Variants in CRISP1 observed in about 807,000 individuals in gnomAD.
The protein encoded by CRISP1 is cysteine rich secretory protein 1.
CRISP1 carries 44 observed loss-of-function variants against 33.1 expected under a neutral mutation model. That is an observed-to-expected ratio of 1.33 (90% CI 1.05 to 1.71). The LOEUF is 1.71. CRISP1 is among the 40% of genes most tolerant of loss of function. CRISP1 has a pLI of 0.00. For synonymous variants in CRISP1, 103 were observed against 98.7 expected, an observed-to-expected ratio of 1.04 and a Z score of -0.26; for missense variants, 390 against 301.2, an observed-to-expected ratio of 1.29 and a Z score of -2.18.
chr6:49,856,124 A>G (rs1311271406), intron 2 of CRISP1, among the ~76,000 whole-genome samples: 2 of 152,030 alleles, frequency 1.3e-5, no homozygotes, highest in Admixed American at 6.6e-5. Context: ...TTTCCCTTGG[A>G]CGGGTAGGGT....
At chr6:49,836,923 A>G (rs953299754) in intron 7 of CRISP1, among the ~76,000 whole-genome samples, 2 of 152,068 alleles carry the variant, frequency 1.3e-5, no homozygotes, top group African/African-American at 4.8e-5. Flanking sequence ...TCAATTACCT[A>G]TCTTTATCCT....
intron 1 of CRISP1, among the ~76,000 whole-genome samples, chr6:49,859,610 T>G (rs55720315): frequency 0.097 from 14,740 of 151,960 alleles, 997 homozygotes; most frequent in Non-Finnish European, 0.15. Context: ...ACAAAAGTAT[T>G]AAACCCACTG....
At position 49,850,092 on chromosome 6, in the gene CRISP1, C is replaced by T. The variant is rs56806735; in HGVS notation, c.196-1793G>A. The stretch of plus-strand genomic sequence containing the variant: ...GAAGGGGAACATCACACTCTGGGGA[C>T]AGTTGTGGGGTGGGGGGAGGGGGAG... On this transcript the variant is annotated intron_variant, in intron 3 of 7. Transcript: ENST00000335847. 3.8e-3 allele frequency among the ~76,000 whole-genome samples: 389 copies of T among 102,912 alleles called. 2 individuals are homozygous for T. The highest frequency in any genetic ancestry group is 0.015 in the African/African-American group (368 of 24,486). The allele number at this position is 102,912 out of a possible 152,430, so 67.5% of individuals were successfully genotyped here.
intron 5 of CRISP1, among the ~76,000 whole-genome samples, chr6:49,843,075 C>T (rs569055989): frequency 5.3e-5 from 8 of 152,036 alleles, no homozygotes; most frequent in East Asian, 1.9e-4. Context: ...TATACCACAG[C>T]GATGAGATAA....
intron 6 of CRISP1, among the ~76,000 whole-genome samples, 169 bp from the exon 7 acceptor site, chr6:49,838,694 T>G (rs16879847): frequency 6.6e-6 from 1 of 152,160 alleles, no homozygotes. Context: ...GCTATAATAT[T>G]TTTTAGCACG....
intron 1 of CRISP1, among the ~76,000 whole-genome samples, chr6:49,873,327 G>C (rs1771968129): frequency 6.6e-6 from 1 of 151,984 alleles, no homozygotes; most frequent in Admixed American, 6.6e-5. Flanking sequence ...GAGTAAAATT[G>C]CAGATCTCAG....
At chr6:49,855,074 GTGTAGAAATACT>G (rs1257851857) in intron 2 of CRISP1, among the ~76,000 whole-genome samples, 1 of 151,906 alleles carries the variant, frequency 6.6e-6, no homozygotes, top group Non-Finnish European at 1.5e-5. Context: ...TAAACTTTCA[GTGTAGAAATACT>G]CTTTCTTTTG....
At chr6:49,857,311 A>T in intron 2 of CRISP1, 24 bp downstream of exon 2, 1 of 1,608,300 alleles carries the variant, frequency 6.2e-7, no homozygotes, top group Non-Finnish European at 8.5e-7. Flanking sequence ...GAAAGTAATT[A>T]TGAAACATCC....
At chr6:49,848,372 T>C (rs567296080) in intron 3 of CRISP1, 73 bp from the exon 4 acceptor site, 2 of 882,904 alleles carry the variant, frequency 2.3e-6, no homozygotes, top group African/African-American at 3.4e-5. Flanking sequence ...TTGTTTTTAA[T>C]AATCCACGAG....
At chr6:49,841,235 A>T (rs922346161) in intron 5 of CRISP1, among the ~76,000 whole-genome samples, 1 of 152,156 alleles carries the variant, frequency 6.6e-6, no homozygotes, top group African/African-American at 2.4e-5. Flanking sequence ...GACGGGGAGG[A>T]TGACTTGATG....
chr6:49,852,154 G>C, intron 2 of CRISP1, 25 bp from the exon 3 acceptor site: 2 of 1,602,486 alleles, frequency 1.2e-6, no homozygotes, highest in South Asian at 1.1e-5. Flanking sequence ...ATATTAATTA[G>C]TGTTACTTCT....
chr6:49,852,880 G>A (rs1269593117), intron 2 of CRISP1, among the ~76,000 whole-genome samples: 1 of 147,274 alleles, frequency 6.8e-6, no homozygotes, highest in Admixed American at 6.7e-5. Context: ...GTGTGTGTGT[G>A]TGTGTGATAT....
At chr6:49,840,269 T>G (rs1257357542) in intron 6 of CRISP1, among the ~76,000 whole-genome samples, 2 of 152,188 alleles carry the variant, frequency 1.3e-5, no homozygotes, top group Non-Finnish European at 2.9e-5. Context: ...TAATCACAGT[T>G]GATAGGAGAA....
intron 7 of CRISP1, among the ~76,000 whole-genome samples, chr6:49,837,858 A>C (rs544118206): frequency 6.6e-6 from 1 of 152,056 alleles, no homozygotes; most frequent in African/African-American, 2.4e-5. Flanking sequence ...AATGGCACCC[A>C]TTTGGCTAAA....
chr6:49,834,989 G>A lies in CRISP1; in HGVS notation c.*327C>T, dbSNP rs900893662. 1.1e-5 allele frequency: 2 copies of A among 181,868 alleles called. No homozygotes were observed. The highest frequency in any genetic ancestry group is 2.3e-5 in the Non-Finnish European group (2 of 88,824). The allele number at this position is 181,868 out of a possible 1,614,324, so 11.3% of individuals were successfully genotyped here. A position where few individuals can be genotyped will look rare whatever the true frequency, so the allele number is the denominator to read the frequency against. On this transcript the variant is annotated 3_prime_UTR_variant, in exon 8 of 8. Transcript: ENST00000335847. ...GGTTGAAAATATGGGGAAGGCGGGGGTGGGAGTTGAACCACATAAGACCTA... is the reference window on the plus strand; with the variant it reads ...GGTTGAAAATATGGGGAAGGCGGGGATGGGAGTTGAACCACATAAGACCTA...
chr6:49,838,352 A>T, intron 7 of CRISP1, 85 bp downstream of exon 7: 1 of 962,914 alleles, frequency 1.0e-6, no homozygotes, highest in South Asian at 1.5e-5. Context: ...GAAAAGTGCG[A>T]TGTTTTTTAA....
At chr6:49,856,111 T>C (rs1055966395) in intron 2 of CRISP1, among the ~76,000 whole-genome samples, 3 of 152,192 alleles carry the variant, frequency 2.0e-5, no homozygotes, top group Non-Finnish European at 1.5e-5. Context: ...GGATTGGGTA[T>C]GGTTTCCCTT....
At chr6:49,841,402 A>T (rs1770982948) in intron 5 of CRISP1, among the ~76,000 whole-genome samples, 1 of 152,140 alleles carries the variant, frequency 6.6e-6, no homozygotes, top group South Asian at 2.1e-4. Flanking sequence ...AGCGTTGATC[A>T]TTTTGCTATG....
rs769690678 is a variant in CRISP1 at position 49,846,614 on chromosome 6, C to T, written c.341G>A (p.Ser114Asn). The change falls in exon 5 of 8, where the codon AGT becomes AAT. Residue 114 changes from serine to asparagine, a missense_variant. Transcript: ENST00000335847. ...HMTSYPVSWS[S>N]VIGVWYSEST... ...CTCACTGTACCAGACTCCAATTACA[C>T]TTGACCATGATACAGGATAAGATGT... is the stretch of plus-strand genomic sequence containing the variant. 4 of 1,613,588 alleles carry T rather than the reference C, an allele frequency of 2.5e-6. No homozygotes were observed. Among genetic ancestry groups the T allele is most frequent in the East Asian group, 2.2e-5 (1 of 44,856 alleles).
Sources: gnomAD v4.1 joint callset for allele counts (sites outside exome capture counted in the v4.1 genomes callset) on GRCh38, gnomAD v4.1.1 for gene constraint, MANE v1.5 for transcripts, NCBI Gene and HGNC (gene_info 2026-07-23, HGNC 2026-07-21) for gene names.